Variants in TMEM116 observed in about 807,000 individuals in gnomAD.
TMEM116 encodes transmembrane protein 116.
In TMEM116, 38 loss-of-function variants were observed where a neutral mutation model predicts 44.3. That is an observed-to-expected ratio of 0.86 (90% CI 0.66 to 1.12). The LOEUF (loss-of-function observed/expected upper bound fraction) is 1.12. Ranked by LOEUF, TMEM116 falls within the 50% of genes most tolerant of loss-of-function variation. TMEM116 has a pLI of 0.00. For missense variants in TMEM116, 354 were observed against 401.7 expected (o/e 0.88, Z 1.01); for synonymous variants, 132 against 144.8 (o/e 0.91, Z 0.64).
intron 4 of TMEM116, among the ~76,000 whole-genome samples, chr12:111,945,154 C>T (rs1004990011): frequency 6.7e-6 from 1 of 149,592 alleles, no homozygotes; most frequent in African/African-American, 2.5e-5. Context: ...ACCAGCCTGG[C>T]CAATATGGTG....
intron 4 of TMEM116, among the ~76,000 whole-genome samples, chr12:111,987,887 G>A (rs533761867): frequency 6.6e-6 from 1 of 152,224 alleles, no homozygotes; most frequent in South Asian, 2.1e-4. Context: ...TAATAGTAGC[G>A]TTATTCACAA....
intron 4 of TMEM116, among the ~76,000 whole-genome samples, chr12:111,982,127 T>C (rs2075976075): frequency 6.6e-6 from 1 of 152,132 alleles, no homozygotes; most frequent in Admixed American, 6.5e-5. Context: ...TACAACATGG[T>C]GACTACAGTT....
intron 4 of TMEM116, among the ~76,000 whole-genome samples, chr12:111,987,930 T>C (rs892635932): frequency 4.1e-4 from 63 of 152,298 alleles, no homozygotes; most frequent in African/African-American, 1.1e-3. Context: ...CAAGTGGCCA[T>C]TGACAGACAA....
At chr12:111,990,051 C>T (rs1320210215) in intron 4 of TMEM116, among the ~76,000 whole-genome samples, 2 of 152,010 alleles carry the variant, frequency 1.3e-5, no homozygotes, top group Non-Finnish European at 2.9e-5. Flanking sequence ...GTCAGGAGAT[C>T]GAGACCATCC....
At chr12:111,939,691 G>A (rs2072511676) in intron 5 of TMEM116, among the ~76,000 whole-genome samples, 1 of 151,548 alleles carries the variant, frequency 6.6e-6, no homozygotes, top group Non-Finnish European at 1.5e-5. Flanking sequence ...AGCCAGGCAT[G>A]GTGGCACACA....
intron 4 of TMEM116, among the ~76,000 whole-genome samples, chr12:111,945,083 A>T (rs1304650321): frequency 1.3e-5 from 2 of 150,884 alleles, no homozygotes; most frequent in East Asian, 3.9e-4. Flanking sequence ...TAAAAAAAAA[A>T]AAAAAAAAAA....
chr12:111,990,948 C>T (rs1283029758), intron 4 of TMEM116, among the ~76,000 whole-genome samples: 1 of 152,026 alleles, frequency 6.6e-6, no homozygotes, highest in African/African-American at 2.4e-5. Flanking sequence ...TGGCTGGGCA[C>T]GGTGGCTCAC....
chr12:111,945,271 G>C (rs2073166101), intron 4 of TMEM116, among the ~76,000 whole-genome samples: 1 of 145,182 alleles, frequency 6.9e-6, no homozygotes, highest in Admixed American at 7.0e-5. Flanking sequence ...TTGAACCCAG[G>C]AGGTGAAGGT....
At chr12:111,963,849 C>T (rs2074791350) in intron 4 of TMEM116, among the ~76,000 whole-genome samples, 1 of 151,852 alleles carries the variant, frequency 6.6e-6, no homozygotes, top group African/African-American at 2.4e-5. Flanking sequence ...AAAATAGAGG[C>T]AATGAAATTA....
At chr12:112,010,757 TCTCTGCCCTCTTGGTCCTCTGGCAGTC>T (rs2077800869) in intron 1 of TMEM116, 1 of 152,276 alleles carries the variant, frequency 6.6e-6, no homozygotes, top group Admixed American at 6.5e-5. Flanking sequence ...GACCCATAGG[TCTCTGCCCTCTTGGTCCTCTGGCAGTC>T]CTCTGCCCTA....
chr12:111,991,524 GAAAAAAA>G (rs397956051), intron 4 of TMEM116, among the ~76,000 whole-genome samples: 4 of 83,346 alleles, frequency 4.8e-5, no homozygotes, highest in African/African-American at 1.8e-4. Context: ...CTCTGTCTCA[GAAAAAAA>G]AAAAAAAAAA....
At chr12:111,962,535 G>A (rs2074670080) in intron 4 of TMEM116, among the ~76,000 whole-genome samples, 1 of 152,094 alleles carries the variant, frequency 6.6e-6, no homozygotes, top group Non-Finnish European at 1.5e-5. Flanking sequence ...TCTGATCTTT[G>A]ACAAACCTGA....
intron 4 of TMEM116, among the ~76,000 whole-genome samples, chr12:111,962,052 A>C (rs2074628433): frequency 6.6e-6 from 1 of 152,198 alleles, no homozygotes; most frequent in Admixed American, 6.5e-5. Context: ...AGCATGAGTG[A>C]ACTCCCATTC....
chr12:111,943,346 G>C lies in TMEM116; in HGVS notation c.234C>G (p.Leu78=). The C allele has an allele frequency of 6.2e-7, 1 of 1,613,704 alleles. No individual in the cohort carries two copies. The highest frequency in any genetic ancestry group is 8.5e-7 in the Non-Finnish European group (1 of 1,179,610). Residue 78 remains leucine, a synonymous_variant, in exon 5 of 11, where the codon CTC becomes CTG. Coordinates refer to ENST00000552374, the MANE Select transcript of TMEM116 (RefSeq NM_001193531.2). ...VGQIFYISSF[L]YTVNYIWYLY... The stretch of plus-strand genomic sequence containing the variant: ...AATACCAGATGTAATTGACGGTGTA[G>C]AGAAATGAGGAAATGTAGAATATCT...
At chr12:111,952,717 C>T (rs2073821531) in intron 4 of TMEM116, among the ~76,000 whole-genome samples, 2 of 152,184 alleles carry the variant, frequency 1.3e-5, no homozygotes, top group African/African-American at 2.4e-5. Flanking sequence ...ATCTTTCTCC[C>T]GTACTGGATG....
intron 4 of TMEM116, among the ~76,000 whole-genome samples, chr12:111,967,293 C>T (rs2136429993): frequency 6.6e-6 from 1 of 152,268 alleles, no homozygotes; most frequent in South Asian, 2.1e-4. Flanking sequence ...AGCTGTAGTA[C>T]TTTCTTTACC....
At chr12:111,956,478 A>G (rs1408952122) in intron 4 of TMEM116, among the ~76,000 whole-genome samples, 1 of 152,126 alleles carries the variant, frequency 6.6e-6, no homozygotes, top group Non-Finnish European at 1.5e-5. Context: ...GAATAGCATC[A>G]ACATCAAAAA....
chr12:111,943,161 C>A, intron 5 of TMEM116, 104 bp downstream of exon 5: 1 of 874,242 alleles, frequency 1.1e-6, no homozygotes, highest in East Asian at 2.5e-5. Context: ...TGGGCATAAG[C>A]AATCTGCCCC....
intron 4 of TMEM116, among the ~76,000 whole-genome samples, chr12:111,947,127 T>A (rs191475390): frequency 6.6e-6 from 1 of 151,968 alleles, no homozygotes; most frequent in Admixed American, 6.5e-5. Context: ...ATTAAAGTGT[T>A]AAAAAATTTA....
Sources: gnomAD v4.1 joint callset for allele counts (sites outside exome capture counted in the v4.1 genomes callset) on GRCh38, gnomAD v4.1.1 for gene constraint, MANE v1.5 for transcripts, NCBI Gene and HGNC (gene_info 2026-07-23, HGNC 2026-07-21) for gene names.